ASAP1: variants seen among roughly 807,000 people sequenced by gnomAD.
The protein encoded by ASAP1 is ArfGAP with SH3 domain, ankyrin repeat and PH domain 1, also known as arf-GAP with SH3 domain, ANK repeat and PH domain-containing protein 1.
ASAP1 carries 43 observed loss-of-function variants against 145.2 expected under a neutral mutation model. That is an observed-to-expected ratio of 0.30 (90% CI 0.23 to 0.38). The LOEUF is 0.38. Ranked by LOEUF, ASAP1 falls within the 10% of genes least tolerant of loss-of-function variation. The pLI is 1.00. For missense variants in ASAP1, 1,018 were observed against 1,355.3 expected (o/e 0.75, Z 3.91); for synonymous variants, 546 against 515.5 (o/e 1.06, Z -0.80).
intron 3 of ASAP1, among the ~76,000 whole-genome samples, chr8:130,283,587 G>A (rs10580646): frequency 0.45 from 9,239 of 20,364 alleles, 1,718 homozygotes; most frequent in Non-Finnish European, 0.51. Context: ...ATCACAGAAA[G>A]AAAAAAAAAA....
At chr8:130,377,998 C>T (rs1291575313) in intron 2 of ASAP1, among the ~76,000 whole-genome samples, 1 of 152,186 alleles carries the variant, frequency 6.6e-6, no homozygotes, top group African/African-American at 2.4e-5. Context: ...GGGAGACAGC[C>T]ATGTAAACAG....
intron 3 of ASAP1, 32 bp from the exon 4 acceptor site, chr8:130,237,026 G>C: frequency 6.8e-7 from 1 of 1,475,336 alleles, no homozygotes; most frequent in Non-Finnish European, 9.2e-7. Context: ...AAAGATATTA[G>C]AAGATTTGGT....
At chr8:130,146,736 A>G (rs769028166) in intron 13 of ASAP1, among the ~76,000 whole-genome samples, 3 of 152,186 alleles carry the variant, frequency 2.0e-5, no homozygotes, top group Non-Finnish European at 4.4e-5. Flanking sequence ...GGGGCAAGAA[A>G]ACAACAGACC....
intron 1 of ASAP1, among the ~76,000 whole-genome samples, chr8:130,416,398 C>A (rs1457485355): frequency 1.3e-5 from 2 of 152,194 alleles, no homozygotes; most frequent in Non-Finnish European, 2.9e-5. Flanking sequence ...TTAATGAATG[C>A]CTAAACAAAC....
In ASAP1 at chr8:130,178,041, A is replaced by C. The variant is rs980019453; in HGVS notation, c.746+1223T>G. Among the ~76,000 whole-genome samples the C allele has an allele frequency of 2.0e-4, 30 of 152,192 alleles. 1 individual carries two copies. The highest frequency in any genetic ancestry group is 1.3e-4 in the Admixed American group (2 of 15,268). ...TTGACTCATCTAATTTGTCTAACCC[A>C]AGCTTTGTGCTTTTGACATAATATT... On this transcript the variant is annotated intron_variant, in intron 9 of 29. Transcript: ENST00000518721.
At chr8:130,152,039 A>C (rs2097647578) in intron 13 of ASAP1, among the ~76,000 whole-genome samples, 1 of 152,236 alleles carries the variant, frequency 6.6e-6, no homozygotes. Context: ...CCTCCCTGAT[A>C]GATATCTAAA....
chr8:130,255,555 T>G (rs1819460428), intron 3 of ASAP1, among the ~76,000 whole-genome samples: 2 of 152,244 alleles, frequency 1.3e-5, no homozygotes, highest in East Asian at 3.8e-4. Flanking sequence ...TGTCAAAAAT[T>G]AGCTTAATGG....
intron 11 of ASAP1, chr8:130,162,833 C>CA (rs2097672345): frequency 1.4e-5 from 2 of 139,964 alleles, no homozygotes; most frequent in Non-Finnish European, 3.2e-5. Context: ...AAAAAAAAAA[C>CA]AAACAAAATC....
chr8:130,341,981 A>G (rs1368998969), intron 3 of ASAP1, among the ~76,000 whole-genome samples: 11 of 152,150 alleles, frequency 7.2e-5, no homozygotes, highest in South Asian at 2.1e-4. Flanking sequence ...CCCAACACCT[A>G]AAACTAACTT....
At chr8:130,134,217 G>T (rs1425245439) in intron 15 of ASAP1, 79 bp downstream of exon 15, 1 of 1,159,872 alleles carries the variant, frequency 8.6e-7, no homozygotes, top group Non-Finnish European at 1.2e-6. Flanking sequence ...CAAATGAAAA[G>T]AAAATGTTGA....
chr8:130,420,634 C>T (rs1276274751), intron 1 of ASAP1, among the ~76,000 whole-genome samples: 1 of 152,108 alleles, frequency 6.6e-6, no homozygotes, highest in Non-Finnish European at 1.5e-5. Flanking sequence ...TGGCTCACAC[C>T]TGTAATCCCA....
At chr8:130,205,816 T>C (rs1226348225) in intron 5 of ASAP1, among the ~76,000 whole-genome samples, 1 of 149,182 alleles carries the variant, frequency 6.7e-6, no homozygotes, top group African/African-American at 2.4e-5. Context: ...ATAAGGCATG[T>C]ACACCCTGTC....
chr8:130,150,116 A>C (rs138272369), intron 13 of ASAP1, among the ~76,000 whole-genome samples: 1 of 152,350 alleles, frequency 6.6e-6, no homozygotes, highest in Non-Finnish European at 1.5e-5. Flanking sequence ...TCCTCATATA[A>C]TCTTTATGTG....
At chr8:130,254,508 CAAAGAA>C (rs1355107341) in intron 3 of ASAP1, among the ~76,000 whole-genome samples, 1 of 151,814 alleles carries the variant, frequency 6.6e-6, no homozygotes, top group African/African-American at 2.4e-5. Flanking sequence ...GTTAAAACTT[CAAAGAA>C]AAAGTACTGA....
intron 27 of ASAP1, among the ~76,000 whole-genome samples, chr8:130,061,826 G>A (rs1373288460): frequency 6.6e-6 from 1 of 152,196 alleles, no homozygotes; most frequent in East Asian, 1.9e-4. Flanking sequence ...TGCACAGTAT[G>A]CACAGCTTAG....
chr8:130,159,148 C>G (rs79459063), intron 12 of ASAP1, among the ~76,000 whole-genome samples: 18,769 of 152,214 alleles, frequency 0.12, 1,236 homozygotes, highest in South Asian at 0.28. Context: ...CCAGGAGAGA[C>G]AGCAGCAGCT....
chr8:130,223,946 TC>T (rs571399712), intron 4 of ASAP1, among the ~76,000 whole-genome samples: 71 of 152,146 alleles, frequency 4.7e-4, no homozygotes, highest in Non-Finnish European at 8.7e-4. Context: ...ATAAAACCTA[TC>T]CAAAGTTCTC....
chr8:130,429,698 C>T (rs1830070508), intron 1 of ASAP1, among the ~76,000 whole-genome samples: 1 of 152,188 alleles, frequency 6.6e-6, no homozygotes, highest in Admixed American at 6.5e-5. Flanking sequence ...TTTAAAATAT[C>T]ACTACTGAAC....
intron 12 of ASAP1, among the ~76,000 whole-genome samples, chr8:130,153,510 C>CA (rs1360223014): frequency 6.6e-6 from 1 of 151,244 alleles, no homozygotes; most frequent in Non-Finnish European, 1.5e-5. Flanking sequence ...GCTGGGACCA[C>CA]AGGCACACCC....
Sources: gnomAD v4.1 joint callset for allele counts (sites outside exome capture counted in the v4.1 genomes callset) on GRCh38, gnomAD v4.1.1 for gene constraint, MANE v1.5 for transcripts, NCBI Gene and HGNC (gene_info 2026-07-23, HGNC 2026-07-21) for gene names.